FGF14: variants seen among roughly 807,000 people sequenced by gnomAD.
FGF14 encodes the protein fibroblast growth factor homologous factor 4.
In FGF14, 5 loss-of-function variants were observed where a neutral mutation model predicts 25.5. The observed-to-expected ratio is 0.20, with a 90% CI of 0.10 to 0.41. FGF14 has a LOEUF of 0.41. FGF14 is among the 10% of genes least tolerant of loss of function. The probability of loss-of-function intolerance (pLI) is 1.00; values close to 1 mark genes in which losing one functional copy is unlikely to be tolerated. For synonymous variants in FGF14, 138 were observed against 118.3 expected (o/e 1.17, Z -1.08); for missense variants, 222 against 320.1 (o/e 0.69, Z 2.34).
chr13:101,908,373 T>C (rs2032508521), intron 1 of FGF14, among the ~76,000 whole-genome samples: 1 of 152,208 alleles, frequency 6.6e-6, no homozygotes, highest in African/African-American at 2.4e-5. Flanking sequence ...GTAAAATGAA[T>C]GAATGGATAA....
chr13:102,182,755 A>C (rs2048727149), intron 1 of FGF14, among the ~76,000 whole-genome samples: 1 of 152,192 alleles, frequency 6.6e-6, no homozygotes, highest in Non-Finnish European at 1.5e-5. Flanking sequence ...CCATTTAGAA[A>C]TACTACATTT....
At chr13:102,168,221 G>C (rs2048101878) in intron 1 of FGF14, among the ~76,000 whole-genome samples, 1 of 152,080 alleles carries the variant, frequency 6.6e-6, no homozygotes, top group East Asian at 1.9e-4. Flanking sequence ...AACATTTCCT[G>C]AAGAATGAAG....
chr13:102,274,433 T>C (rs1456163218), intron 1 of FGF14, among the ~76,000 whole-genome samples: 1 of 152,142 alleles, frequency 6.6e-6, no homozygotes, highest in African/African-American at 2.4e-5. Context: ...AGTTATTTAT[T>C]TGTCCCCTAC....
intron 1 of FGF14, among the ~76,000 whole-genome samples, chr13:102,044,130 C>T (rs1209096106): frequency 6.6e-6 from 1 of 152,128 alleles, no homozygotes; most frequent in African/African-American, 2.4e-5. Flanking sequence ...GTGCTTTCCT[C>T]CACTTCATCT....
intron 1 of FGF14, among the ~76,000 whole-genome samples, chr13:102,353,700 T>A (rs1001496987): frequency 6.6e-6 from 1 of 152,150 alleles, no homozygotes; most frequent in African/African-American, 2.4e-5. Context: ...CCACTTAGAC[T>A]ACTGATTGCA....
intron 1 of FGF14, among the ~76,000 whole-genome samples, chr13:101,977,635 C>T (rs1013642055): frequency 6.6e-6 from 1 of 152,010 alleles, no homozygotes; most frequent in Non-Finnish European, 1.5e-5. Context: ...AGCAGATGAC[C>T]CCAGGAACCC....
chr13:101,835,443 G>A (rs567390183), intron 3 of FGF14, among the ~76,000 whole-genome samples: 1 of 152,156 alleles, frequency 6.6e-6, no homozygotes, highest in Non-Finnish European at 1.5e-5. Context: ...ATGTTTATAT[G>A]CCGTTTGCAG....
At chr13:101,990,379 A>G (rs1377115317) in intron 1 of FGF14, among the ~76,000 whole-genome samples, 1 of 152,184 alleles carries the variant, frequency 6.6e-6, no homozygotes, top group Non-Finnish European at 1.5e-5. Context: ...ACGCCTATAT[A>G]GTTAAGAAAG....
intron 1 of FGF14, among the ~76,000 whole-genome samples, chr13:101,992,506 C>T (rs2038963826): frequency 6.6e-6 from 1 of 152,044 alleles, no homozygotes; most frequent in South Asian, 2.1e-4. Flanking sequence ...TCAGACATGA[C>T]AGATAATTTG....
intron 1 of FGF14, among the ~76,000 whole-genome samples, chr13:102,273,016 A>G (rs1594667749): frequency 6.6e-6 from 1 of 152,362 alleles, no homozygotes; most frequent in Non-Finnish European, 1.5e-5. Flanking sequence ...TTGATATCAT[A>G]TCCTATGACC....
intron 1 of FGF14, among the ~76,000 whole-genome samples, chr13:102,225,198 C>A (rs1457924360): frequency 2.6e-5 from 4 of 151,936 alleles, no homozygotes; most frequent in Admixed American, 6.6e-5. Flanking sequence ...TCTTTCAATC[C>A]CTCTCTCTCC....
chr13:102,357,123 G>GTTTT (rs5806298), intron 1 of FGF14, among the ~76,000 whole-genome samples: 1 of 144,836 alleles, frequency 6.9e-6, no homozygotes, highest in African/African-American at 2.5e-5. Flanking sequence ...CCATTATAAT[G>GTTTT]TTTTTTTTTT....
At chr13:101,915,368 T>C (rs1416061073) in intron 1 of FGF14, among the ~76,000 whole-genome samples, 1 of 152,196 alleles carries the variant, frequency 6.6e-6, no homozygotes, top group East Asian at 1.9e-4. Context: ...TTAAAACAAA[T>C]ACAGCTGGGA....
In FGF14 at chr13:102,280,096, G is replaced by T. The variant is rs185162523; in HGVS notation, c.208+121375C>A. On this transcript the variant is annotated intron_variant, in intron 1 of 4. Coordinates refer to the FGF14 transcript ENST00000376131. ...AGTATAATGTGGATGCAGTGCTGTA[G>T]ATATTAAATACAAATTATTTTTCCT... 1.2e-4 allele frequency among the ~76,000 whole-genome samples: 18 copies of T among 152,278 alleles called. 1 individual carries two copies. The East Asian group carries it at 3.5e-3, about 29-fold the overall frequency.
intron 1 of FGF14, among the ~76,000 whole-genome samples, chr13:102,065,907 A>G (rs2042885108): frequency 6.6e-6 from 1 of 152,220 alleles, no homozygotes; most frequent in Admixed American, 6.5e-5. Flanking sequence ...ACCATTAATC[A>G]TTTTAAAAAT....
intron 1 of FGF14, among the ~76,000 whole-genome samples, chr13:102,342,604 C>A (rs7991028): frequency 0.75 from 114,125 of 151,992 alleles, 43,800 homozygotes; most frequent in African/African-American, 0.92. Flanking sequence ...TATATTATTT[C>A]AGTAACTCAG....
chr13:101,777,134 G>A (rs1200526165), intron 3 of FGF14, among the ~76,000 whole-genome samples: 2 of 152,144 alleles, frequency 1.3e-5, no homozygotes, highest in African/African-American at 4.8e-5. Flanking sequence ...AAATTCATAT[G>A]TTGAAATAGT....
At chr13:102,125,097 CTGTGGAT>C (rs1185361781) in intron 1 of FGF14, among the ~76,000 whole-genome samples, 2 of 152,058 alleles carry the variant, frequency 1.3e-5, no homozygotes, top group Non-Finnish European at 2.9e-5. Context: ...AAACTTTAAA[CTGTGGAT>C]TGCTTCATCT....
intron 1 of FGF14, among the ~76,000 whole-genome samples, chr13:102,278,643 T>C (rs1003349846): frequency 2.0e-5 from 3 of 147,028 alleles, no homozygotes; most frequent in African/African-American, 7.9e-5. Context: ...TATATATATA[T>C]ATACATACAC....
Sources: gnomAD v4.1 joint callset for allele counts (sites outside exome capture counted in the v4.1 genomes callset) on GRCh38, gnomAD v4.1.1 for gene constraint, MANE v1.5 for transcripts, NCBI Gene and HGNC (gene_info 2026-07-23, HGNC 2026-07-21) for gene names.